The following PRKN variants were observed in gnomAD, a reference collection of about 807,000 sequenced individuals.
PRKN encodes parkin RBR E3 ubiquitin protein ligase, also known as E3 ubiquitin-protein ligase parkin.
In PRKN, 56 loss-of-function variants were observed where a neutral mutation model predicts 59.5. The ratio of observed to expected loss-of-function variants is 0.94; its 90% CI spans 0.76 to 1.18. PRKN has a LOEUF of 1.18. Ranked by LOEUF, PRKN falls within the 50% of genes most tolerant of loss-of-function variation. The probability of loss-of-function intolerance (pLI) is 0.00; values close to 1 mark genes in which losing one functional copy is unlikely to be tolerated. For missense variants in PRKN, 657 were observed against 596.4 expected, an observed-to-expected ratio of 1.10 and a Z score of -1.06; for synonymous variants, 250 against 222.1, an observed-to-expected ratio of 1.13 and a Z score of -1.12.
intron 1 of PRKN, among the ~76,000 whole-genome samples, chr6:162,621,985 T>C (rs1782687506): frequency 6.6e-6 from 1 of 152,074 alleles, no homozygotes; most frequent in African/African-American, 2.4e-5. Flanking sequence ...TAGCTAATTG[T>C]ATTTTTTAGT....
chr6:162,380,514 TATATATATATGTATATATAC>T (rs1360153011), intron 2 of PRKN, among the ~76,000 whole-genome samples: 1 of 131,784 alleles, frequency 7.6e-6, no homozygotes, highest in African/African-American at 2.9e-5. Context: ...TGTGTGTATA[TATATATATATGTATATATAC>T]ATATATATAT....
chr6:161,411,216 C>T (rs1787526288), intron 9 of PRKN, among the ~76,000 whole-genome samples: 1 of 151,984 alleles, frequency 6.6e-6, no homozygotes, highest in African/African-American at 2.4e-5. Flanking sequence ...TATAGTAATC[C>T]CCACACGTCA....
chr6:161,698,570 T>C (rs1388504421), intron 7 of PRKN, among the ~76,000 whole-genome samples: 1 of 151,980 alleles, frequency 6.6e-6, no homozygotes, highest in African/African-American at 2.4e-5. Flanking sequence ...TTAAGACTTA[T>C]TAGAAATGTA....
Position 162,160,406 on chromosome 6 carries a change from G to C in PRKN, c.534+40725C>G, listed in dbSNP as rs558186782. 2.0e-5 allele frequency among the ~76,000 whole-genome samples: 3 copies of C among 152,304 alleles called. No individual in the cohort carries two copies. In the South Asian group the frequency reaches 6.2e-4, roughly 32 times the overall value. Reference sequence around the variant, plus strand: ...TGTTTGCCTACAAATGATGGGACTAGAGGAGTGAAAGGAAGGGATGGCTGA... The same window carrying C: ...TGTTTGCCTACAAATGATGGGACTACAGGAGTGAAAGGAAGGGATGGCTGA... On this transcript the variant is annotated intron_variant, in intron 4 of 11. Transcript: ENST00000366898.
chr6:161,930,058 T>A (rs975467851), intron 6 of PRKN, among the ~76,000 whole-genome samples: 1 of 152,204 alleles, frequency 6.6e-6, no homozygotes, highest in Non-Finnish European at 1.5e-5. Context: ...GAAGCCAGCA[T>A]TCTCTCTTGG....
Position 161,378,302 on chromosome 6 carries a change from C to T in PRKN, c.1167+8492G>A, listed in dbSNP as rs1363876598. On this transcript the variant is annotated intron_variant, in intron 10 of 11. Coordinates refer to ENST00000366898, the MANE Select transcript of PRKN (RefSeq NM_004562.3). This position sits in a 1 kb window ranked among gnomAD's most constrained non-coding sequence, Gnocchi z 7.3. ...GCCACAGCAGTCCTGGGCCAGGGCA[C>T]TCCCGTGTGGAGGAAGCGTGGTGGT... Among the ~76,000 whole-genome samples, 2 of 152,172 alleles carry T rather than the reference C, an allele frequency of 1.3e-5. No individual in the cohort carries two copies. The highest frequency in any genetic ancestry group is 4.8e-5 in the African/African-American group (2 of 41,436).
chr6:162,689,171 C>A (rs563458098), intron 1 of PRKN, among the ~76,000 whole-genome samples: 1 of 152,184 alleles, frequency 6.6e-6, no homozygotes, highest in African/African-American at 2.4e-5. Flanking sequence ...CCTACAAGGG[C>A]TCTGCAACCC....
intron 1 of PRKN, among the ~76,000 whole-genome samples, chr6:162,485,172 G>A (rs1792485685): frequency 6.6e-6 from 1 of 152,048 alleles, no homozygotes; most frequent in Non-Finnish European, 1.5e-5. Context: ...TAAAGTAATA[G>A]GATTTTTCTT....
At chr6:161,914,948 A>G (rs1778500193) in intron 6 of PRKN, among the ~76,000 whole-genome samples, 1 of 152,188 alleles carries the variant, frequency 6.6e-6, no homozygotes. Flanking sequence ...TTTAGATGGG[A>G]GAAAAGTAGG....
At chr6:162,170,116 G>A (rs927105786) in intron 4 of PRKN, among the ~76,000 whole-genome samples, 2 of 152,136 alleles carry the variant, frequency 1.3e-5, no homozygotes, top group Non-Finnish European at 2.9e-5. Context: ...CTGTTCCCAT[G>A]AATCTACCAG....
intron 3 of PRKN, among the ~76,000 whole-genome samples, chr6:162,241,587 G>T (rs948888004): frequency 1.3e-5 from 2 of 152,026 alleles, no homozygotes; most frequent in East Asian, 1.9e-4. Flanking sequence ...GGGAAAAAAA[G>T]AAACATTGTC....
intron 6 of PRKN, among the ~76,000 whole-genome samples, chr6:161,869,573 C>T (rs1286299230): frequency 6.6e-6 from 1 of 152,046 alleles, no homozygotes; most frequent in Non-Finnish European, 1.5e-5. Context: ...GAATGCATCA[C>T]CTAGAAGCCA....
At chr6:162,385,605 T>C (rs13201368) in intron 2 of PRKN, among the ~76,000 whole-genome samples, 29,987 of 151,788 alleles carry the variant, frequency 0.2, 3,376 homozygotes, top group East Asian at 0.25. Flanking sequence ...CAGCAGGTCC[T>C]TTCCCGCTCT....
chr6:161,487,280 C>T lies in PRKN; in HGVS notation c.1083+61574G>A, dbSNP rs1361502393. On this transcript the variant is annotated intron_variant, in intron 9 of 11. Transcript: ENST00000366898. This position sits in a 1 kb window ranked among gnomAD's most constrained non-coding sequence, Gnocchi z 5.3. ...AAGTGGGCTTGCTCAGTAACAACTGCTCAGTGAAGGGGCTGGGACTCCCAG... is the reference window on the plus strand; with the variant it reads ...AAGTGGGCTTGCTCAGTAACAACTGTTCAGTGAAGGGGCTGGGACTCCCAG... 6.6e-6 allele frequency among the ~76,000 whole-genome samples: 1 copy of T among 152,194 alleles called. No individual in the cohort carries two copies. The highest frequency in any genetic ancestry group is 1.5e-5 in the Non-Finnish European group (1 of 68,036).
chr6:162,247,173 C>G (rs530192074), intron 3 of PRKN, among the ~76,000 whole-genome samples: 1 of 152,168 alleles, frequency 6.6e-6, no homozygotes, highest in African/African-American at 2.4e-5. Context: ...TTATGACTTT[C>G]CAGTTTCTTT....
intron 4 of PRKN, among the ~76,000 whole-genome samples, chr6:162,066,195 A>G (rs893620800): frequency 1.3e-5 from 2 of 152,192 alleles, no homozygotes; most frequent in African/African-American, 2.4e-5. Context: ...TAACACTGTA[A>G]AAGTGTTCCT....
At chr6:162,610,906 T>G (rs1562433596) in intron 1 of PRKN, among the ~76,000 whole-genome samples, 1 of 152,152 alleles carries the variant, frequency 6.6e-6, no homozygotes. Context: ...AAATATGCAA[T>G]TAGAATAAAG....
chr6:162,207,414 C>T (rs1264486268), intron 3 of PRKN, among the ~76,000 whole-genome samples: 3 of 152,056 alleles, frequency 2.0e-5, no homozygotes, highest in Non-Finnish European at 4.4e-5. Flanking sequence ...ACCATTTCAC[C>T]ATTATGCAGG....
At chr6:161,997,407 T>C (rs902165230) in intron 5 of PRKN, among the ~76,000 whole-genome samples, 2 of 152,116 alleles carry the variant, frequency 1.3e-5, no homozygotes, top group African/African-American at 4.8e-5. Flanking sequence ...TCCACATAAC[T>C]GGACATCATT....
Sources: allele counts gnomAD v4.1 joint callset (sites outside exome capture counted in the v4.1 genomes callset), GRCh38; gene constraint gnomAD v4.1.1; non-coding constraint Gnocchi (gnomAD v3.1); transcripts MANE v1.5; gene names NCBI Gene and HGNC (gene_info 2026-07-23, HGNC 2026-07-21).